UBE3D: variants seen among roughly 807,000 people sequenced by gnomAD.
The protein encoded by UBE3D is E3 ubiquitin-protein ligase E3D.
In UBE3D, 48 loss-of-function variants were observed where a neutral mutation model predicts 49.6. The ratio of observed to expected loss-of-function variants is 0.97; its 90% confidence interval spans 0.77 to 1.23. The LOEUF (loss-of-function observed/expected upper bound fraction) is 1.23, where lower values mean the gene tolerates loss of function less well. Ranked by LOEUF, UBE3D falls within the 50% of genes most tolerant of loss-of-function variation. The pLI, the probability that UBE3D is intolerant of heterozygous loss-of-function variation, is 0.00. For synonymous variants in UBE3D, 189 were observed against 174.2 expected (o/e 1.08, Z -0.67); for missense variants, 452 against 468.4 (o/e 0.96, Z 0.32).
chr6:82,910,717 A>T (rs1458289841), intron 9 of UBE3D, among the ~76,000 whole-genome samples: 2 of 152,132 alleles, frequency 1.3e-5, no homozygotes, highest in African/African-American at 4.8e-5. Context: ...ACATTGCAAG[A>T]GTCCAAGAAT....
At chr6:82,890,562 C>T (rs1057424774), downstream of UBE3D, among the ~76,000 whole-genome samples, 2 of 152,106 alleles carry the variant, frequency 1.3e-5, no homozygotes, top group African/African-American at 4.8e-5. Flanking sequence ...AGAAACCTGC[C>T]CTTTGTGTGC....
At chr6:83,036,202 T>G (rs557022402) in intron 5 of UBE3D, 1 of 152,142 alleles carries the variant, frequency 6.6e-6, no homozygotes, top group East Asian at 1.9e-4. Context: ...TTTTGTATTT[T>G]TGGTAGAGAC....
At chr6:82,944,596 G>A (rs916430115) in intron 9 of UBE3D, among the ~76,000 whole-genome samples, 2 of 152,204 alleles carry the variant, frequency 1.3e-5, no homozygotes, top group African/African-American at 2.4e-5. Context: ...AAAAGTAAAG[G>A]AGACTTTGTC....
At chr6:82,997,923 G>A (rs947705506) in intron 8 of UBE3D, among the ~76,000 whole-genome samples, 4 of 151,680 alleles carry the variant, frequency 2.6e-5, no homozygotes, top group African/African-American at 9.7e-5. Context: ...TATTTTACAA[G>A]GAGAATGCCT....
At chr6:82,887,998 G>A (rs540522145), downstream of UBE3D, among the ~76,000 whole-genome samples, 33 of 152,212 alleles carry the variant, frequency 2.2e-4, no homozygotes, top group African/African-American at 7.7e-4. Context: ...GGGAGGTACA[G>A]GTCTGAGAGA....
chr6:82,881,092 AG>A, the UBE3D span, among the ~76,000 whole-genome samples: 3 of 152,196 alleles, frequency 2.0e-5, no homozygotes, highest in Non-Finnish European at 2.9e-5. Flanking sequence ...ATGAATTTTA[AG>A]GGGACAGAAA....
downstream of UBE3D, among the ~76,000 whole-genome samples, chr6:82,888,219 A>T (rs1249317388): frequency 6.6e-6 from 1 of 151,634 alleles, no homozygotes; most frequent in Non-Finnish European, 1.5e-5. Context: ...GTTTAGGAAG[A>T]GTTCAGCCAG....
intron 9 of UBE3D, among the ~76,000 whole-genome samples, chr6:82,935,023 G>T (rs1774463335): frequency 7.4e-6 from 1 of 135,924 alleles, no homozygotes; most frequent in African/African-American, 2.7e-5. Context: ...AATAGTATTA[G>T]ACCATTCTTG....
intron 1 of UBE3D, among the ~76,000 whole-genome samples, chr6:83,060,551 G>A (rs977582769): frequency 2.0e-5 from 3 of 152,162 alleles, no homozygotes; most frequent in African/African-American, 7.2e-5. Flanking sequence ...CTAGTTCTGG[G>A]AGAAGCGACA....
At chr6:83,001,972 C>T (rs906981205) in intron 8 of UBE3D, among the ~76,000 whole-genome samples, 2 of 151,848 alleles carry the variant, frequency 1.3e-5, no homozygotes, top group Non-Finnish European at 2.9e-5. Flanking sequence ...TTCCAAAAAA[C>T]CCTCTTGAGT....
intron 8 of UBE3D, among the ~76,000 whole-genome samples, chr6:82,993,979 T>C (rs750037820): frequency 4.6e-5 from 7 of 152,190 alleles, no homozygotes; most frequent in Non-Finnish European, 8.8e-5. Flanking sequence ...ATTAGCAAGG[T>C]TAAGTCACTT....
At chr6:82,998,909 G>A (rs2127742384) in intron 8 of UBE3D, among the ~76,000 whole-genome samples, 1 of 152,250 alleles carries the variant, frequency 6.6e-6, no homozygotes, top group South Asian at 2.1e-4. Flanking sequence ...ATGATAAGCT[G>A]GAAAATGTCA....
At chr6:83,020,455 G>A (rs1431997205) in intron 7 of UBE3D, among the ~76,000 whole-genome samples, 5 of 151,238 alleles carry the variant, frequency 3.3e-5, no homozygotes, top group Admixed American at 3.3e-4. Context: ...AATACTGATT[G>A]CTCCCTGAAT....
intron 9 of UBE3D, among the ~76,000 whole-genome samples, chr6:82,915,382 C>G (rs1772843657): frequency 6.6e-6 from 1 of 152,154 alleles, no homozygotes; most frequent in Non-Finnish European, 1.5e-5. Flanking sequence ...TTATAAACAT[C>G]AGGATCACAG....
At chr6:82,939,569 C>A (rs1235696856) in intron 9 of UBE3D, among the ~76,000 whole-genome samples, 1 of 152,206 alleles carries the variant, frequency 6.6e-6, no homozygotes, top group Non-Finnish European at 1.5e-5. Flanking sequence ...CAAATACTTA[C>A]CATTGTATTA....
rs1481355010 is a variant in UBE3D, at chr6:83,057,956, G to A, written c.144C>T (p.Thr48=). Residue 48 remains threonine, a synonymous_variant, in exon 2 of 10, where the codon ACC becomes ACT. Transcript: ENST00000369747. The part of the protein sequence containing the change: ...SIMPSSLQMK[T]PEGCTEIQLP... ...GCTGGATTTCTGTGCAGCCTTCAGG[G>A]GTTTTCATCTGGAGTGAAGATGGCA... 3 of 1,613,982 alleles carry A rather than the reference G, an allele frequency of 1.9e-6. No individual in the cohort carries two copies. The African/African-American group carries it at 4.0e-5, about 22-fold the overall frequency.
In UBE3D at chr6:83,019,074, T is replaced by A. The variant is rs1780898659; in HGVS notation, c.909A>T (p.Lys303Asn). 4 of 1,614,028 alleles carry A rather than the reference T, an allele frequency of 2.5e-6. No individual in the cohort carries two copies. Among genetic ancestry groups the A allele is most frequent in the Non-Finnish European group, 2.5e-6 (3 of 1,179,946 alleles). The change falls in exon 8 of 10, where the codon AAA (lysine) becomes AAT (asparagine). Residue 303 changes from lysine to asparagine, a missense_variant. Transcript: ENST00000369747. ...ATGTGTTTTCCAACAAGGGGAATTT[T>A]TTGATATATTTGGAATTTCTCAAAG... Reference protein sequence around the residue: ...IESLRNSKYIKKFPLLENTFK... With the variant: ...IESLRNSKYINKFPLLENTFK...
intron 8 of UBE3D, among the ~76,000 whole-genome samples, chr6:82,988,877 G>T (rs943891808): frequency 1.3e-4 from 19 of 150,902 alleles, no homozygotes; most frequent in Non-Finnish European, 2.4e-4. Context: ...AGAGAAAAAA[G>T]AAATCAGACT....
chr6:82,926,932 C>T (rs754051233), intron 9 of UBE3D, among the ~76,000 whole-genome samples: 1 of 152,062 alleles, frequency 6.6e-6, no homozygotes, highest in Non-Finnish European at 1.5e-5. Context: ...TCATCAGATG[C>T]TAGGCCATCT....
Sources: gnomAD v4.1 joint callset for allele counts (sites outside exome capture counted in the v4.1 genomes callset) on GRCh38, gnomAD v4.1.1 for gene constraint, MANE v1.5 for transcripts, NCBI Gene and HGNC (gene_info 2026-07-23, HGNC 2026-07-21) for gene names.